AHI1: variants seen among roughly 807,000 people sequenced by gnomAD.
AHI1 encodes the protein jouberin.
In AHI1, 123 loss-of-function variants were observed where a neutral mutation model predicts 149.3. The ratio of observed to expected loss-of-function variants is 0.82; its 90% CI spans 0.71 to 0.96. The LOEUF (loss-of-function observed/expected upper bound fraction) is 0.96. Ranked by LOEUF, AHI1 falls within the 40% of genes least tolerant of loss-of-function variation. The pLI is 0.00. For synonymous variants in AHI1, 475 were observed against 459.8 expected, an observed-to-expected ratio of 1.03 and a Z score of -0.42; for missense variants, 1,439 against 1,422.7, an observed-to-expected ratio of 1.01 and a Z score of -0.18.
chr6:135,491,491 C>T (rs1485619587), intron 4 of AHI1, among the ~76,000 whole-genome samples: 1 of 152,176 alleles, frequency 6.6e-6, no homozygotes, highest in African/African-American at 2.4e-5. Context: ...AAATAAAACA[C>T]CTCCTGACAA....
rs372071182 is a variant in AHI1, at chr6:135,364,914, G to A, written c.3110-6727C>T. On this transcript the variant is annotated intron_variant, in intron 23 of 28. Coordinates refer to ENST00000265602, the MANE Select transcript of AHI1 (RefSeq NM_001134831.2). ...AGGGAGAGGGAGACCGTGGGGAGAGGAAGAGGAAGAGGGAGAGGGAGAGGG... is the reference window on the plus strand; with the variant it reads ...AGGGAGAGGGAGACCGTGGGGAGAGAAAGAGGAAGAGGGAGAGGGAGAGGG... Among the ~76,000 whole-genome samples the A allele has an allele frequency of 3.3e-5, 5 of 151,566 alleles. No homozygotes were observed. The East Asian group carries it at 7.8e-4, about 24-fold the overall frequency.
intron 11 of AHI1, among the ~76,000 whole-genome samples, chr6:135,449,806 C>T (rs1330603804): frequency 1.3e-5 from 2 of 152,158 alleles, no homozygotes; most frequent in African/African-American, 4.8e-5. Flanking sequence ...CATGTGGCTA[C>T]CCTGCACTTG....
At chr6:135,417,387 T>C (rs1489274133) in intron 20 of AHI1, among the ~76,000 whole-genome samples, 1 of 152,008 alleles carries the variant, frequency 6.6e-6, no homozygotes, top group East Asian at 1.9e-4. Flanking sequence ...AACAGTTACA[T>C]AGGTTAGTAA....
chr6:135,344,926 T>TCACACA (rs59084001), intron 24 of AHI1, among the ~76,000 whole-genome samples: 9,267 of 145,706 alleles, frequency 0.064, 514 homozygotes, highest in African/African-American at 0.15. Flanking sequence ...AAGCTCTGAT[T>TCACACA]CACACACACA....
chr6:135,357,123 G>T (rs1234269080), intron 24 of AHI1, among the ~76,000 whole-genome samples: 2 of 152,078 alleles, frequency 1.3e-5, no homozygotes, highest in Non-Finnish European at 2.9e-5. Flanking sequence ...TATTTTAGTA[G>T]AGATGGGGTT....
chr6:135,380,443 T>C lies in AHI1; in HGVS notation c.3109+14333A>G, dbSNP rs562470649. On this transcript the variant is annotated intron_variant, in intron 23 of 28. Transcript: ENST00000265602. ...TATCCAAATACTGTCCATTTTATAT[T>C]GGGGACTTGAGCATCCAAGGACCTT... Among the ~76,000 whole-genome samples, 3 of 152,282 alleles carry C rather than the reference T, an allele frequency of 2.0e-5. No individual in the cohort carries two copies. The South Asian group carries it at 6.2e-4, about 32-fold the overall frequency.
At chr6:135,379,379 C>T (rs1222051388) in intron 23 of AHI1, among the ~76,000 whole-genome samples, 2 of 152,314 alleles carry the variant, frequency 1.3e-5, no homozygotes, top group African/African-American at 4.8e-5. Flanking sequence ...CAACCCCCTT[C>T]TCCTACCTCA....
intron 5 of AHI1, among the ~76,000 whole-genome samples, chr6:135,476,675 AGT>A (rs1792705429): frequency 6.7e-6 from 1 of 150,250 alleles, no homozygotes; most frequent in Non-Finnish European, 1.5e-5. Context: ...TTTCATACAC[AGT>A]CAGTTATATC....
chr6:135,417,992 T>A (rs1348550746), intron 20 of AHI1, among the ~76,000 whole-genome samples: 4 of 150,736 alleles, frequency 2.7e-5, no homozygotes, highest in Admixed American at 6.7e-5. Context: ...CACTTTGACA[T>A]AGGCCACAGT....
chr6:135,442,532 G>T, intron 14 of AHI1, 50 bp downstream of exon 14: 3 of 1,512,426 alleles, frequency 2.0e-6, no homozygotes, highest in Non-Finnish European at 2.7e-6. Flanking sequence ...ACTAAAGAAT[G>T]TCCTCCACGT....
intron 23 of AHI1, among the ~76,000 whole-genome samples, chr6:135,383,454 CAT>C (rs1313194722): frequency 9.4e-6 from 1 of 106,036 alleles, no homozygotes; most frequent in East Asian, 2.5e-4. Flanking sequence ...CCAGGTTGGT[CAT>C]GAACTCCTAG....
At chr6:135,313,516 G>C (rs908943100) in intron 26 of AHI1, among the ~76,000 whole-genome samples, 4 of 152,170 alleles carry the variant, frequency 2.6e-5, no homozygotes, top group Non-Finnish European at 4.4e-5. Context: ...GCCTGAAGTA[G>C]ACCTCAAGGG....
At chr6:135,363,654 C>A (rs1453885232) in intron 23 of AHI1, among the ~76,000 whole-genome samples, 2 of 149,638 alleles carry the variant, frequency 1.3e-5, no homozygotes, top group South Asian at 2.1e-4. Context: ...ACCTCCCGGA[C>A]GGGGCGGCTG....
intron 13 of AHI1, among the ~76,000 whole-genome samples, chr6:135,444,665 A>T (rs553156912): frequency 6.6e-6 from 1 of 152,310 alleles, no homozygotes; most frequent in African/African-American, 2.4e-5. Context: ...TTCTTGGAAC[A>T]TTTTTTTGGA....
At chr6:135,302,733 A>T in intron 26 of AHI1, 1 of 1,279,196 alleles carries the variant, frequency 7.8e-7, no homozygotes, top group Non-Finnish European at 1.0e-6. Flanking sequence ...TCTCAGCAGC[A>T]GCACGTCATA....
chr6:135,387,522 T>C (rs1358553123), intron 23 of AHI1, among the ~76,000 whole-genome samples: 3 of 152,218 alleles, frequency 2.0e-5, no homozygotes, highest in Admixed American at 1.3e-4. Context: ...AGCTAAAGTT[T>C]GGAAAGTTAA....
intron 24 of AHI1, among the ~76,000 whole-genome samples, chr6:135,351,532 T>C (rs561665110): frequency 2.8e-4 from 43 of 152,230 alleles, no homozygotes; most frequent in African/African-American, 8.2e-4. Flanking sequence ...CACCAGGTAA[T>C]TTGGTTCTGG....
chr6:135,297,183 A>C lies in AHI1; in HGVS notation c.3485+3317T>G, dbSNP rs1478185275. On this transcript the variant is annotated intron_variant, in intron 27 of 28. Coordinates refer to ENST00000265602, the MANE Select transcript of AHI1 (RefSeq NM_001134831.2). The stretch of plus-strand genomic sequence containing the variant: ...TGTAAAATGCTGGGCAAATACAGCA[A>C]GACATGTCTCCTGGCCCCACCTTCC... 3.3e-5 allele frequency among the ~76,000 whole-genome samples: 5 copies of C among 152,224 alleles called. No homozygotes were observed. In the East Asian group the frequency reaches 9.6e-4, roughly 29 times the overall value.
chr6:135,289,845 A>G (rs1303605381), intron 28 of AHI1, among the ~76,000 whole-genome samples: 1 of 152,182 alleles, frequency 6.6e-6, no homozygotes, highest in East Asian at 1.9e-4. Flanking sequence ...TTCACCTTGA[A>G]CAGAAACTTC....
Sources: allele counts gnomAD v4.1 joint callset (sites outside exome capture counted in the v4.1 genomes callset), GRCh38; gene constraint gnomAD v4.1.1; transcripts MANE v1.5; gene names NCBI Gene and HGNC (gene_info 2026-07-23, HGNC 2026-07-21).